The following CTNNA3 variants were observed in gnomAD, a reference collection of about 807,000 sequenced individuals.
CTNNA3 encodes catenin alpha-3.
In CTNNA3, 76 loss-of-function variants were observed where a neutral mutation model predicts 95.7. The ratio of observed to expected loss-of-function variants is 0.79; its 90% CI spans 0.66 to 0.96. The LOEUF (loss-of-function observed/expected upper bound fraction) is 0.96, where lower values mean the gene tolerates loss of function less well. Ranked by LOEUF, CTNNA3 falls within the 40% of genes least tolerant of loss-of-function variation. The pLI is 0.00. For missense variants in CTNNA3, 1,191 were observed against 1,089.8 expected (o/e 1.09, Z -1.31); for synonymous variants, 431 against 374.4 (o/e 1.15, Z -1.74).
At chr10:66,645,064 C>T (rs999479026) in intron 9 of CTNNA3, among the ~76,000 whole-genome samples, 4 of 151,994 alleles carry the variant, frequency 2.6e-5, no homozygotes, top group African/African-American at 9.7e-5. Flanking sequence ...ATTTATTCAA[C>T]CTAAGGTGTT....
intron 7 of CTNNA3, among the ~76,000 whole-genome samples, chr10:67,025,129 CAAAAACAA>C (rs1403207655): frequency 3.9e-5 from 1 of 25,368 alleles, no homozygotes; most frequent in Non-Finnish European, 1.6e-4. Flanking sequence ...AAAACTCTGT[CAAAAACAA>C]AAAAAAAAAA....
At chr10:67,520,889 A>G (rs993739968) in intron 5 of CTNNA3, among the ~76,000 whole-genome samples, 11 of 152,150 alleles carry the variant, frequency 7.2e-5, no homozygotes, top group Admixed American at 2.0e-4. Flanking sequence ...AGGATCCAAA[A>G]CTTGTGAATT....
Position 67,559,586 on chromosome 10 carries a change from T to C in CTNNA3, c.293-19917A>G, listed in dbSNP as rs1022121052. Among the ~76,000 whole-genome samples the C allele has an allele frequency of 2.6e-5, 4 of 151,978 alleles. No homozygotes were observed. In the South Asian group the frequency reaches 6.2e-4, roughly 24 times the overall value. ...GAAACTCTAAAAAGCACAGTGCCTC[T>C]CCTCCTCCAAAGGAACACAGCTCCT... is the stretch of plus-strand genomic sequence containing the variant. On this transcript the variant is annotated intron_variant, in intron 3 of 17. Transcript: ENST00000433211.
At chr10:67,446,736 G>C (rs1846763109) in intron 5 of CTNNA3, among the ~76,000 whole-genome samples, 1 of 152,114 alleles carries the variant, frequency 6.6e-6, no homozygotes, top group South Asian at 2.1e-4. Flanking sequence ...CATCAAGGGA[G>C]ATAGGAGCCC....
At chr10:66,534,434 G>T (rs2132058550) in intron 10 of CTNNA3, among the ~76,000 whole-genome samples, 1 of 148,972 alleles carries the variant, frequency 6.7e-6, no homozygotes, top group South Asian at 2.1e-4. Context: ...AGAGAATATT[G>T]GATTTTCCCA....
chr10:66,276,164 G>T (rs758274848), intron 13 of CTNNA3, among the ~76,000 whole-genome samples: 6 of 152,048 alleles, frequency 3.9e-5, no homozygotes, highest in Non-Finnish European at 8.8e-5. Context: ...GATATATAGA[G>T]TTAGAAAACT....
At chr10:66,231,829 A>G in intron 13 of CTNNA3, among the ~76,000 whole-genome samples, 1 of 152,190 alleles carries the variant, frequency 6.6e-6, no homozygotes, top group East Asian at 1.9e-4. Flanking sequence ...GAGAAAGCTG[A>G]CAGTTTCACA....
chr10:66,806,289 GTGTA>G (rs367673209), intron 7 of CTNNA3, among the ~76,000 whole-genome samples: 6,517 of 148,412 alleles, frequency 0.044, 174 homozygotes, highest in South Asian at 0.093. Flanking sequence ...GTGTGTGTGT[GTGTA>G]TATATACTCA....
At chr10:66,923,294 A>G (rs1351729578) in intron 7 of CTNNA3, among the ~76,000 whole-genome samples, 4 of 152,256 alleles carry the variant, frequency 2.6e-5, no homozygotes, top group Non-Finnish European at 2.9e-5. Context: ...CCACATTCTC[A>G]GTGGGTTCCT....
chr10:66,532,117 T>G (rs1841486095), intron 10 of CTNNA3, among the ~76,000 whole-genome samples: 1 of 152,116 alleles, frequency 6.6e-6, no homozygotes, highest in Non-Finnish European at 1.5e-5. Flanking sequence ...TGTAAGCTAT[T>G]CATTAATTGC....
At chr10:67,201,166 T>C (rs1205572252) in intron 6 of CTNNA3, among the ~76,000 whole-genome samples, 1 of 152,218 alleles carries the variant, frequency 6.6e-6, no homozygotes, top group African/African-American at 2.4e-5. Flanking sequence ...TTCTAGGCAT[T>C]GAAGAAGCAA....
At chr10:66,797,990 G>GACA (rs1841278509) in intron 7 of CTNNA3, among the ~76,000 whole-genome samples, 1 of 151,666 alleles carries the variant, frequency 6.6e-6, no homozygotes, top group Non-Finnish European at 1.5e-5. Flanking sequence ...ATTGGCCTTT[G>GACA]ACAATATCTT....
chr10:67,381,269 G>T (rs974510345), intron 5 of CTNNA3, among the ~76,000 whole-genome samples: 8 of 152,114 alleles, frequency 5.3e-5, no homozygotes, highest in Non-Finnish European at 8.8e-5. Context: ...TACGTGTAAG[G>T]AGACTAAAAC....
At position 67,410,095 on chromosome 10, in the gene CTNNA3, T is replaced by C. The variant is rs182616156; in HGVS notation, c.579+111747A>G. Reference sequence around the variant, plus strand: ...AGCACTATTCACAATAGAAAAGATATAGAATCAACATAAATGCCCATCAAA... The same window carrying C: ...AGCACTATTCACAATAGAAAAGATACAGAATCAACATAAATGCCCATCAAA... On this transcript the variant is annotated intron_variant, in intron 5 of 17. Transcript: ENST00000433211. 4.2e-4 allele frequency among the ~76,000 whole-genome samples: 64 copies of C among 152,190 alleles called. No homozygotes were observed. In the South Asian group the frequency reaches 7.1e-3, roughly 17 times the overall value.
intron 3 of CTNNA3, among the ~76,000 whole-genome samples, chr10:67,594,365 G>A (rs1842873034): frequency 6.6e-6 from 1 of 152,042 alleles, no homozygotes; most frequent in Non-Finnish European, 1.5e-5. Context: ...ATTTAGTTGT[G>A]AATTCATCTG....
chr10:66,417,377 A>C (rs1306747343), intron 11 of CTNNA3, among the ~76,000 whole-genome samples: 1 of 152,070 alleles, frequency 6.6e-6, no homozygotes, highest in Admixed American at 6.5e-5. Context: ...ACCCGGATTC[A>C]TAAAGGAAAG....
chr10:66,249,146 C>T (rs1248966965), intron 13 of CTNNA3, among the ~76,000 whole-genome samples: 1 of 152,038 alleles, frequency 6.6e-6, no homozygotes, highest in Non-Finnish European at 1.5e-5. Context: ...ATACAAAAAT[C>T]TAAGACTAGA....
chr10:67,007,071 C>T (rs894913704), intron 7 of CTNNA3, among the ~76,000 whole-genome samples: 1 of 152,182 alleles, frequency 6.6e-6, no homozygotes, highest in Non-Finnish European at 1.5e-5. Context: ...GCTGGGATTA[C>T]AGGCGTGAGC....
At chr10:66,932,774 T>C (rs1431586246) in intron 7 of CTNNA3, among the ~76,000 whole-genome samples, 1 of 152,192 alleles carries the variant, frequency 6.6e-6, no homozygotes, top group East Asian at 1.9e-4. Context: ...GGACCCAAAT[T>C]CTTTTAGCCT....
Sources: allele counts gnomAD v4.1 joint callset (sites outside exome capture counted in the v4.1 genomes callset), GRCh38; gene constraint gnomAD v4.1.1; transcripts MANE v1.5; gene names NCBI Gene and HGNC (gene_info 2026-07-23, HGNC 2026-07-21).